CHCHD3: variants seen among roughly 807,000 people sequenced by gnomAD.
CHCHD3 encodes the protein coiled-coil-helix-coiled-coil-helix domain containing 3.
Under a neutral mutation model 38.2 loss-of-function variants are expected in CHCHD3, and 20 were observed. That is an observed-to-expected ratio of 0.52 (90% CI 0.37 to 0.76). The LOEUF is 0.76. CHCHD3 is among the 30% of genes least tolerant of loss of function. The pLI, the probability that CHCHD3 is intolerant of heterozygous loss-of-function variation, is 0.00. For missense variants in CHCHD3, 245 were observed against 279.2 expected, an observed-to-expected ratio of 0.88 and a Z score of 0.87; for synonymous variants, 82 against 100.0, an observed-to-expected ratio of 0.82 and a Z score of 1.07.
intron 6 of CHCHD3, among the ~76,000 whole-genome samples, chr7:132,819,799 G>A (rs1056445794): frequency 4.6e-5 from 7 of 152,218 alleles, no homozygotes; most frequent in African/African-American, 1.7e-4. Flanking sequence ...TGAGTTTATC[G>A]GGAGGAAGGT....
chr7:132,879,455 AT>A (rs1808994266), intron 5 of CHCHD3, among the ~76,000 whole-genome samples: 1 of 152,158 alleles, frequency 6.6e-6, no homozygotes, highest in South Asian at 2.1e-4. Context: ...ATCAATTCAA[AT>A]TCATAATGGA....
chr7:132,995,706 C>T (rs1584630073), intron 3 of CHCHD3, among the ~76,000 whole-genome samples: 1 of 152,168 alleles, frequency 6.6e-6, no homozygotes, highest in South Asian at 2.1e-4. Context: ...TCTACAATAA[C>T]ATACAATTCC....
chr7:133,062,239 CTTA>C (rs1814538726), intron 2 of CHCHD3, among the ~76,000 whole-genome samples: 1 of 152,052 alleles, frequency 6.6e-6, no homozygotes, highest in African/African-American at 2.4e-5. Flanking sequence ...CCTTGGGCAA[CTTA>C]TTATAAGAGA....
chr7:132,896,373 C>T (rs970081619), intron 4 of CHCHD3, among the ~76,000 whole-genome samples: 2 of 152,134 alleles, frequency 1.3e-5, no homozygotes, highest in African/African-American at 2.4e-5. Flanking sequence ...CTATGCCATA[C>T]CTGTTGTTAA....
chr7:133,037,696 T>G (rs912234151), intron 2 of CHCHD3, among the ~76,000 whole-genome samples: 3 of 151,902 alleles, frequency 2.0e-5, no homozygotes, highest in Non-Finnish European at 4.4e-5. Flanking sequence ...ACCTGTAGTC[T>G]CAGCTACTAG....
At chr7:132,924,364 T>C (rs1810327204) in intron 4 of CHCHD3, among the ~76,000 whole-genome samples, 1 of 152,128 alleles carries the variant, frequency 6.6e-6, no homozygotes, top group Non-Finnish European at 1.5e-5. Context: ...CAAAGCAGGG[T>C]ATTTAAAAAA....
At chr7:132,925,271 T>A (rs1009186769) in intron 4 of CHCHD3, among the ~76,000 whole-genome samples, 1 of 152,130 alleles carries the variant, frequency 6.6e-6, no homozygotes, top group African/African-American at 2.4e-5. Context: ...CAGTTTCTCA[T>A]TTAAGTAAGA....
intron 2 of CHCHD3, among the ~76,000 whole-genome samples, chr7:133,033,988 G>A (rs192001793): frequency 1.3e-5 from 2 of 152,194 alleles, no homozygotes; most frequent in African/African-American, 4.8e-5. Flanking sequence ...GCCAGAAACA[G>A]ATTAAAACTC....
intron 5 of CHCHD3, among the ~76,000 whole-genome samples, chr7:132,847,710 A>T (rs1562884131): frequency 6.6e-6 from 1 of 152,218 alleles, no homozygotes; most frequent in Non-Finnish European, 1.5e-5. Flanking sequence ...CAAGTTCTAA[A>T]TTTGATCAAA....
At chr7:132,834,862 T>A (rs1196293866) in intron 6 of CHCHD3, among the ~76,000 whole-genome samples, 1 of 152,150 alleles carries the variant, frequency 6.6e-6, no homozygotes, top group African/African-American at 2.4e-5. Context: ...ATGGTCCACA[T>A]GATAAACTCA....
chr7:132,989,637 A>C (rs1812216738), intron 3 of CHCHD3, among the ~76,000 whole-genome samples: 1 of 152,194 alleles, frequency 6.6e-6, no homozygotes, highest in African/African-American at 2.4e-5. Flanking sequence ...GCACTGAAAA[A>C]TACATTTATA....
intron 4 of CHCHD3, chr7:132,972,589 T>C: frequency 9.1e-6 from 9 of 985,362 alleles, no homozygotes; most frequent in Non-Finnish European, 1.1e-5. Flanking sequence ...ATCTGGTAAA[T>C]AAATTGGGAA....
intron 5 of CHCHD3, among the ~76,000 whole-genome samples, chr7:132,850,450 G>GTTTTTTTTTTTTTTTTTTTTT (rs75016148): frequency 7.5e-6 from 1 of 132,970 alleles, no homozygotes. Flanking sequence ...TTTTTTTTTT[G>GTTTTTTTTTTTTTTTTTTTTT]TTTTTTTTTT....
chr7:132,810,429 A>C (rs1407825977), intron 6 of CHCHD3, among the ~76,000 whole-genome samples: 1 of 152,210 alleles, frequency 6.6e-6, no homozygotes, highest in Admixed American at 6.5e-5. Context: ...GAAGGCATTA[A>C]ATTCCAACAT....
intron 4 of CHCHD3, chr7:132,973,588 C>T (rs1405368949): frequency 1.1e-5 from 11 of 999,040 alleles, no homozygotes; most frequent in Non-Finnish European, 1.3e-5. Flanking sequence ...CCAGTCAGTC[C>T]ACTGACATTT....
intron 4 of CHCHD3, among the ~76,000 whole-genome samples, chr7:132,944,374 G>T (rs1029415492): frequency 6.7e-6 from 1 of 149,844 alleles, no homozygotes; most frequent in African/African-American, 2.5e-5. Flanking sequence ...CTAAGATTTA[G>T]CCAAGAAGAC....
intron 3 of CHCHD3, among the ~76,000 whole-genome samples, chr7:133,001,018 C>A (rs1812557564): frequency 6.6e-6 from 1 of 152,188 alleles, no homozygotes; most frequent in Non-Finnish European, 1.5e-5. Context: ...CGCCTCATAA[C>A]ATACAGCTGT....
intron 2 of CHCHD3, among the ~76,000 whole-genome samples, chr7:133,069,857 A>G (rs1814768115): frequency 1.3e-5 from 2 of 152,238 alleles, no homozygotes; most frequent in African/African-American, 4.8e-5. Flanking sequence ...TATCCCTATA[A>G]GCAATCCATT....
chr7:132,865,661 C>G (rs1808601933), intron 5 of CHCHD3, among the ~76,000 whole-genome samples: 1 of 149,730 alleles, frequency 6.7e-6, no homozygotes, highest in African/African-American at 2.5e-5. Context: ...AAACTTAAGA[C>G]AAAAGAAACT....
Sources: gnomAD v4.1 joint callset for allele counts (sites outside exome capture counted in the v4.1 genomes callset) on GRCh38, gnomAD v4.1.1 for gene constraint, MANE v1.5 for transcripts, NCBI Gene and HGNC (gene_info 2026-07-23, HGNC 2026-07-21) for gene names.